C8orf34: variants seen among roughly 807,000 people sequenced by gnomAD.
C8orf34 encodes the protein chromosome 8 open reading frame 34.
C8orf34 carries 65 observed loss-of-function variants against 68.3 expected under a neutral mutation model. The observed-to-expected ratio is 0.95, with a 90% CI of 0.78 to 1.17. C8orf34 has a LOEUF of 1.17. C8orf34 is among the 50% of genes most tolerant of loss of function. The probability of loss-of-function intolerance (pLI) is 0.00; values close to 1 mark genes in which losing one functional copy is unlikely to be tolerated. For synonymous variants in C8orf34, 244 were observed against 241.2 expected, an observed-to-expected ratio of 1.01 and a Z score of -0.11; for missense variants, 664 against 655.4, an observed-to-expected ratio of 1.01 and a Z score of -0.14.
chr8:68,793,858 A>G (rs546746158), intron 12 of C8orf34, among the ~76,000 whole-genome samples: 1 of 152,352 alleles, frequency 6.6e-6, no homozygotes, highest in African/African-American at 2.4e-5. Context: ...AATTAAAAAA[A>G]GTATTAATTT....
At chr8:68,602,407 G>T (rs1469787) in intron 7 of C8orf34, among the ~76,000 whole-genome samples, 88,748 of 151,956 alleles carry the variant, frequency 0.58, 26,234 homozygotes, top group African/African-American at 0.62. Context: ...TGGTAGAAAG[G>T]GAAGCAAACA....
chr8:68,513,748 A>C (rs1341036816), intron 5 of C8orf34, among the ~76,000 whole-genome samples: 1 of 152,224 alleles, frequency 6.6e-6, no homozygotes, highest in East Asian at 1.9e-4. Context: ...CAGTGGCAGC[A>C]CATGGCTGGG....
chr8:68,586,866 C>A (rs1420474588), intron 7 of C8orf34, among the ~76,000 whole-genome samples: 2 of 152,038 alleles, frequency 1.3e-5, no homozygotes, highest in Non-Finnish European at 2.9e-5. Flanking sequence ...AAATTAAGTT[C>A]TTTGTCTGTT....
chr8:68,694,508 C>G (rs878897583), intron 8 of C8orf34, among the ~76,000 whole-genome samples: 1 of 152,030 alleles, frequency 6.6e-6, no homozygotes, highest in Non-Finnish European at 1.5e-5. Context: ...GTCCTAATAT[C>G]TATTCTTGCT....
chr8:68,551,251 A>G (rs1816059846), intron 7 of C8orf34, among the ~76,000 whole-genome samples: 1 of 151,672 alleles, frequency 6.6e-6, no homozygotes, highest in East Asian at 1.9e-4. Flanking sequence ...TATTGACATA[A>G]TCTGAAGCTC....
At chr8:68,769,546 T>C (rs995903664) in intron 10 of C8orf34, among the ~76,000 whole-genome samples, 1 of 152,188 alleles carries the variant, frequency 6.6e-6, no homozygotes, top group African/African-American at 2.4e-5. Flanking sequence ...AAAGTTATAA[T>C]CAATAATTAC....
At chr8:68,360,686 A>G (rs1207318560) in intron 1 of C8orf34, among the ~76,000 whole-genome samples, 3 of 150,922 alleles carry the variant, frequency 2.0e-5, no homozygotes, top group Non-Finnish European at 4.4e-5. Context: ...TCTTCCCAAT[A>G]TATATAATGT....
chr8:68,568,149 A>G (rs1816653038), intron 7 of C8orf34, among the ~76,000 whole-genome samples: 1 of 152,190 alleles, frequency 6.6e-6, no homozygotes, highest in Non-Finnish European at 1.5e-5. Context: ...CAAAGCAATT[A>G]CAATAGGAAC....
At chr8:68,475,643 T>C (rs1303597073) in intron 4 of C8orf34, among the ~76,000 whole-genome samples, 1 of 152,096 alleles carries the variant, frequency 6.6e-6, no homozygotes, top group East Asian at 1.9e-4. Flanking sequence ...TAAAAATAAA[T>C]AGATAGCTAA....
intron 10 of C8orf34, among the ~76,000 whole-genome samples, chr8:68,755,801 C>A (rs2129527792): frequency 6.6e-6 from 1 of 152,204 alleles, no homozygotes; most frequent in East Asian, 1.9e-4. Context: ...GTGGCTCACG[C>A]CTGTAATCCC....
At chr8:68,817,957 A>G (rs1013251020) in intron 13 of C8orf34, among the ~76,000 whole-genome samples, 1 of 151,832 alleles carries the variant, frequency 6.6e-6, no homozygotes, top group African/African-American at 2.4e-5. Flanking sequence ...TCCACCTGGT[A>G]TCTCCCTTGA....
intron 3 of C8orf34, chr8:68,447,787 G>T (rs1019469733): frequency 2.0e-5 from 3 of 152,176 alleles, no homozygotes; most frequent in Non-Finnish European, 4.4e-5. Context: ...ATTATATGAA[G>T]TGTTAACAAC....
chr8:68,651,746 C>T (rs1819364983), intron 8 of C8orf34, among the ~76,000 whole-genome samples: 2 of 152,024 alleles, frequency 1.3e-5, no homozygotes, highest in South Asian at 4.1e-4. Flanking sequence ...CCTGGGGATT[C>T]CAAAAGTGGG....
intron 1 of C8orf34, among the ~76,000 whole-genome samples, chr8:68,346,051 G>T (rs1482148945): frequency 6.6e-6 from 1 of 152,050 alleles, no homozygotes; most frequent in East Asian, 1.9e-4. Context: ...TGTTGGTAAA[G>T]AAATCAATTG....
At chr8:68,379,855 A>C (rs1246808601) in intron 1 of C8orf34, among the ~76,000 whole-genome samples, 1 of 151,832 alleles carries the variant, frequency 6.6e-6, no homozygotes, top group Admixed American at 6.6e-5. Context: ...GTTTTTGTTT[A>C]TTTGTTTGTT....
At chr8:68,748,841 G>T (rs1404215445) in intron 10 of C8orf34, among the ~76,000 whole-genome samples, 5 of 152,128 alleles carry the variant, frequency 3.3e-5, no homozygotes, top group East Asian at 1.9e-4. Flanking sequence ...ATTCCTCAGG[G>T]ATCTAGAACT....
chr8:68,330,787 GCGCACGGACACACACACACACGCA>G (rs1412967436), upstream of C8orf34: 118 of 440,144 alleles, frequency 2.7e-4, 1 homozygote, highest in Middle Eastern at 5.6e-4. Context: ...ACAGTCGCGC[GCGCACGGACACACACACACACGCA>G]CGCACGCACA....
rs79971979 is a variant in C8orf34 at position 68,684,003 on chromosome 8, A to G, written c.1242-24991A>G. ...TTTTAAACAGATTTTAAAACAAAAA[A>G]CCTATAAAAATAGTAAGCATTATGT... On this transcript the variant is annotated intron_variant, in intron 8 of 13. Coordinates refer to ENST00000518698, the MANE Select transcript of C8orf34 (RefSeq NM_052958.4). 8.8e-3 allele frequency among the ~76,000 whole-genome samples: 1,347 copies of G among 152,236 alleles called. 26 individuals carry two copies. The highest frequency in any genetic ancestry group is 0.031 in the African/African-American group (1,273 of 41,556).
chr8:68,504,052 A>C (rs892831177), intron 5 of C8orf34, among the ~76,000 whole-genome samples: 6 of 152,120 alleles, frequency 3.9e-5, no homozygotes, highest in African/African-American at 1.2e-4. Flanking sequence ...TCATCCCCAA[A>C]AGAAACTCTA....
Sources: allele counts gnomAD v4.1 joint callset (sites outside exome capture counted in the v4.1 genomes callset), GRCh38; gene constraint gnomAD v4.1.1; transcripts MANE v1.5; gene names NCBI Gene and HGNC (gene_info 2026-07-23, HGNC 2026-07-21).